The following NIF3L1 variants were observed in gnomAD, a reference collection of about 807,000 sequenced individuals.
NIF3L1 encodes NIF3-like protein 1.
NIF3L1 carries 26 observed loss-of-function variants against 35.0 expected under a neutral mutation model. The ratio of observed to expected loss-of-function variants is 0.74; its 90% CI spans 0.54 to 1.03. The LOEUF is 1.03. NIF3L1 is among the 50% of genes least tolerant of loss of function. The pLI, the probability that NIF3L1 is intolerant of heterozygous loss-of-function variation, is 0.00. For missense variants in NIF3L1, 449 were observed against 466.3 expected (o/e 0.96, Z 0.34); for synonymous variants, 157 against 178.9 (o/e 0.88, Z 0.98).
rs1447687303 is a variant in NIF3L1 at position 200,892,354 on chromosome 2, C to T, written c.411C>T (p.Val137=). The T allele has an allele frequency of 1.9e-6, 3 of 1,603,360 alleles. No homozygotes were observed. Among genetic ancestry groups the T allele is most frequent in the Non-Finnish European group, 2.6e-6 (3 of 1,175,570 alleles). The change falls in exon 2 of 7, where the codon GTC becomes GTT. Residue 137 remains valine (V), a synonymous_variant. Coordinates refer to ENST00000409020, the MANE Select transcript of NIF3L1 (RefSeq NM_001369441.2). ...CCTATGATGCTGCGCCCCAGGGCGT[C>T]AACAACTGGTTGGCTAAAGGGCTTG... ...HTAYDAAPQG[V]NNWLAKGLGA...
Position 200,897,222 on chromosome 2 carries a change from T to C in NIF3L1, c.865+8T>C. The C allele has an allele frequency of 6.2e-7, 1 of 1,613,400 alleles. No homozygotes were observed. Among genetic ancestry groups the C allele is most frequent in the Non-Finnish European group, 8.5e-7 (1 of 1,179,684 alleles). ...GGGTGGGGAGAACCTTAGGTAAATA[T>C]AGCTCCTTCATCTATCCAGTATGCC... On this transcript the variant is annotated splice_region_variant and intron_variant, in intron 5 of 6. Transcript: ENST00000409020.
intron 4 of NIF3L1, 111 bp from the exon 5 acceptor site, chr2:200,896,964 AT>A: frequency 9.6e-7 from 1 of 1,041,928 alleles, no homozygotes; most frequent in Non-Finnish European, 1.4e-6. Context: ...GTATCCCCAC[AT>A]TTAGCCTGGA....
chr2:200,902,841 A>G (rs746859506), intron 6 of NIF3L1, among the ~76,000 whole-genome samples: 12 of 152,090 alleles, frequency 7.9e-5, no homozygotes, highest in African/African-American at 2.2e-4. Context: ...ATAAGAGGCA[A>G]ATTTTCTGAA....
chr2:200,903,917 T>C lies in NIF3L1; in HGVS notation c.*239T>C, dbSNP rs1420640704. 2.0e-6 allele frequency: 1 copy of C among 511,902 alleles called. No individual in the cohort carries two copies. Among genetic ancestry groups the C allele is most frequent in the Admixed American group, 3.2e-5 (1 of 31,382 alleles). 31.7% of individuals were successfully genotyped at this position (511,902 alleles called of 1,614,324 possible). On this transcript the variant is annotated 3_prime_UTR_variant, in exon 7 of 7. Transcript: ENST00000409020. The stretch of plus-strand genomic sequence containing the variant: ...TCTAGGAAAGATTGAATAAAATCTG[T>C]TTACTTAACATTCTTTGGAAGGAGC...
chr2:200,892,171 A>G lies in NIF3L1; in HGVS notation c.228A>G (p.Glu76=), dbSNP rs763288692. ...TLFLTNDLTE[E]VMEEVLQKKA... ...TCCTGACCAATGACCTGACTGAGGA[A>G]GTGATGGAGGAGGTGCTGCAAAAGA... The change falls in exon 2 of 7, where the codon GAA becomes GAG. Residue 76 remains glutamate (E), a synonymous_variant. Transcript: ENST00000409020. 7.4e-6 allele frequency: 12 copies of G among 1,614,242 alleles called. No individual in the cohort carries two copies. Among genetic ancestry groups the G allele is most frequent in the Non-Finnish European group, 1.0e-5 (12 of 1,180,046 alleles).
chr2:200,896,342 G>A (rs150557429), intron 4 of NIF3L1, among the ~76,000 whole-genome samples: 7 of 152,216 alleles, frequency 4.6e-5, no homozygotes, highest in South Asian at 4.1e-4. Context: ...TGGCACCTTT[G>A]TCCATGTCCT....
chr2:200,903,368 A>G (rs2124905480), intron 6 of NIF3L1, 126 bp from the exon 7 acceptor site: 1 of 738,938 alleles, frequency 1.4e-6, no homozygotes, highest in Non-Finnish European at 2.3e-6. Context: ...ATTTATATGT[A>G]AAACAGTTCT....
intron 2 of NIF3L1, among the ~76,000 whole-genome samples, chr2:200,892,918 G>A (rs1033709265): frequency 6.6e-6 from 1 of 152,142 alleles, no homozygotes; most frequent in African/African-American, 2.4e-5. Flanking sequence ...CTGAATGATG[G>A]TTTACATGGC....
intron 6 of NIF3L1, among the ~76,000 whole-genome samples, chr2:200,901,625 C>T (rs1302631944): frequency 1.3e-5 from 2 of 152,188 alleles, no homozygotes; most frequent in Non-Finnish European, 2.9e-5. Flanking sequence ...TCCTGTGAGC[C>T]TGAGGCCGTG....
At chr2:200,899,113 C>T (rs978870029) in intron 5 of NIF3L1, 2 of 312,834 alleles carry the variant, frequency 6.4e-6, no homozygotes, top group Non-Finnish European at 1.2e-5. Flanking sequence ...TGCATTGTTC[C>T]GTATTTTGCG....
Position 200,899,381 on chromosome 2 carries a change from G to C in NIF3L1, c.866-4G>C, listed in dbSNP as rs2040375279. 6.2e-7 allele frequency: 1 copy of C among 1,612,406 alleles called. No individual in the cohort carries two copies. The highest frequency in any genetic ancestry group is 1.1e-5 in the South Asian group (1 of 91,028). On this transcript the variant is annotated splice_polypyrimidine_tract_variant and splice_region_variant and intron_variant, in intron 5 of 6. Transcript: ENST00000409020. The stretch of plus-strand genomic sequence containing the variant: ...ATTGGTCTCTTGTTTCCTCTGTTTT[G>C]AAGAGTCTCAAGTCAAAGTCGTGGC...
chr2:200,892,124 C>CCACA lies in NIF3L1; in HGVS notation c.182_185dup (p.Val64TyrfsTer10). 6.2e-7 allele frequency: 1 copy of CCACA among 1,614,194 alleles called. No individual in the cohort carries two copies. The highest frequency in any genetic ancestry group is 8.5e-7 in the Non-Finnish European group (1 of 1,180,032). Reference sequence around the variant, plus strand: ...TGGATTACTGGTGGAACCAAGCCCACCACATACTGTAAATACACTCTTCCT... The same window carrying CCACA: ...TGGATTACTGGTGGAACCAAGCCCACCACACACATACTGTAAATACACTCTTCCT... On this transcript the variant is annotated frameshift_variant, in exon 2 of 7. Coordinates refer to ENST00000409020, the MANE Select transcript of NIF3L1 (RefSeq NM_001369441.2). LOFTEE classifies it high-confidence loss of function.
At chr2:200,900,517 C>T (rs2124898900) in intron 6 of NIF3L1, among the ~76,000 whole-genome samples, 1 of 152,288 alleles carries the variant, frequency 6.6e-6, no homozygotes, top group South Asian at 2.1e-4. Flanking sequence ...CACACCCACA[C>T]TTTGTTATAT....
At chr2:200,891,772 C>T in intron 1 of NIF3L1, 146 bp from the exon 2 acceptor site, 1 of 606,478 alleles carries the variant, frequency 1.6e-6, no homozygotes, top group Non-Finnish European at 2.9e-6. Context: ...AATGGCTTAC[C>T]TAAGTTACAG....
chr2:200,898,346 T>C (rs1035345598), intron 5 of NIF3L1, among the ~76,000 whole-genome samples: 2 of 152,034 alleles, frequency 1.3e-5, no homozygotes, highest in African/African-American at 2.4e-5. Flanking sequence ...AGAGAATGAG[T>C]GCAAGCAAGA....
At position 200,901,923 on chromosome 2, in the gene NIF3L1, T is replaced by C. The variant is rs2040414756; in HGVS notation, c.950-1571T>C. Among the ~76,000 whole-genome samples, 3 of 152,152 alleles carry C rather than the reference T, an allele frequency of 2.0e-5. No homozygotes were observed. In the South Asian group the frequency reaches 6.2e-4, roughly 32 times the overall value. ...AAGGCTTCCAACTGGGCCATCTTAG[T>C]GTCTTTTTCTTGCTTTTTACTTCTA... On this transcript the variant is annotated intron_variant, in intron 6 of 6. Transcript: ENST00000409020.
rs558074352 is a variant in NIF3L1 at position 200,903,673 on chromosome 2, G to A, written c.1129G>A (p.Val377Ile). The A allele has an allele frequency of 1.2e-6, 2 of 1,612,282 alleles. No individual in the cohort carries two copies. Among genetic ancestry groups the A allele is most frequent in the Admixed American group, 3.3e-5 (2 of 60,022 alleles). Residue 377 changes from valine (V) to isoleucine (I), a missense_variant, in exon 7 of 7, where the codon GTA becomes ATA. Coordinates refer to ENST00000409020, the MANE Select transcript of NIF3L1 (RefSeq NM_001369441.2). ...SETDRDPLQVV is the reference protein window; with the variant it reads ...SETDRDPLQVI ...GACTGACAGGGACCCTCTTCAGGTGGTATAATTGCAGAAACATCAGGATAA... is the reference window on the plus strand; with the variant it reads ...GACTGACAGGGACCCTCTTCAGGTGATATAATTGCAGAAACATCAGGATAA...
intron 4 of NIF3L1, 81 bp from the exon 5 acceptor site, chr2:200,896,995 C>A: frequency 7.4e-7 from 1 of 1,343,472 alleles, no homozygotes; most frequent in Non-Finnish European, 1.0e-6. Flanking sequence ...AGTAATCTCA[C>A]AGTGTGCATG....
chr2:200,895,724 G>T (rs1370199078), intron 4 of NIF3L1, among the ~76,000 whole-genome samples: 1 of 152,164 alleles, frequency 6.6e-6, no homozygotes, highest in Non-Finnish European at 1.5e-5. Context: ...CGTCTTCAGG[G>T]TTACAGATTT....
Sources: allele counts gnomAD v4.1 joint callset (sites outside exome capture counted in the v4.1 genomes callset), GRCh38; gene constraint gnomAD v4.1.1; transcripts MANE v1.5; gene names NCBI Gene and HGNC (gene_info 2026-07-23, HGNC 2026-07-21).